The following SEC24D variants were observed in gnomAD, a reference collection of about 807,000 sequenced individuals.
The protein encoded by SEC24D is SEC24 homolog D, COPII component.
In SEC24D, 69 loss-of-function variants were observed where a neutral mutation model predicts 116.9. The observed-to-expected ratio is 0.59, with a 90% CI of 0.49 to 0.72. The LOEUF (loss-of-function observed/expected upper bound fraction) is 0.72, where lower values mean the gene tolerates loss of function less well. Ranked by LOEUF, SEC24D falls within the 30% of genes least tolerant of loss-of-function variation. The pLI, the probability that SEC24D is intolerant of heterozygous loss-of-function variation, is 0.00. For missense variants in SEC24D, 1,131 were observed against 1,264.1 expected (o/e 0.89, Z 1.60); for synonymous variants, 405 against 442.8 (o/e 0.91, Z 1.07).
chr4:118,796,496 C>T (rs1199472490), intron 8 of SEC24D, among the ~76,000 whole-genome samples: 1 of 152,222 alleles, frequency 6.6e-6, no homozygotes, highest in Non-Finnish European at 1.5e-5. Context: ...CTCCCATGAC[C>T]TACTCTAAGC....
In SEC24D at chr4:118,833,995, C is replaced by T. The variant is rs149462208; in HGVS notation, c.-41-258G>A. On this transcript the variant is annotated intron_variant, in intron 1 of 22. Coordinates refer to ENST00000280551, the MANE Select transcript of SEC24D (RefSeq NM_014822.4). Reference sequence around the variant, plus strand: ...ATGAGACCTGAATAATAACTCGCAACCACTTTTTTAATGGAAGCCTGAAGC... The same window carrying T: ...ATGAGACCTGAATAATAACTCGCAATCACTTTTTTAATGGAAGCCTGAAGC... 1.5e-3 allele frequency among the ~76,000 whole-genome samples: 226 copies of T among 152,248 alleles called. 1 individual carries two copies. The highest frequency in any genetic ancestry group is 2.7e-3 in the Non-Finnish European group (184 of 68,026).
In SEC24D at chr4:118,743,009, C is replaced by T. The variant is rs545843982; in HGVS notation, c.1995+979G>A. ...ATCGTGCCCACTCTGTGCCGGGGCGCATAAGTTTGTGAAATTCAGGGGTGA... is the reference window on the plus strand; with the variant it reads ...ATCGTGCCCACTCTGTGCCGGGGCGTATAAGTTTGTGAAATTCAGGGGTGA... On this transcript the variant is annotated intron_variant, in intron 15 of 22. Transcript: ENST00000280551. 3.5e-4 allele frequency among the ~76,000 whole-genome samples: 54 copies of T among 152,150 alleles called. No individual in the cohort carries two copies. The South Asian group carries it at 4.6e-3, about 13-fold the overall frequency.
intron 4 of SEC24D, among the ~76,000 whole-genome samples, chr4:118,816,133 T>C (rs1730138780): frequency 1.3e-5 from 2 of 148,992 alleles, no homozygotes; most frequent in Admixed American, 1.4e-4. Context: ...CTCGTGATAT[T>C]GCTCAGGCTG....
intron 8 of SEC24D, among the ~76,000 whole-genome samples, chr4:118,787,693 C>T (rs1578434833): frequency 6.6e-6 from 1 of 152,148 alleles, no homozygotes; most frequent in South Asian, 2.1e-4. Context: ...TGGCCGTGGT[C>T]CCTATTTGGG....
rs1360323431 is a variant in SEC24D at position 118,819,192 on chromosome 4, GA to G, written c.249-1781del. On this transcript the variant is annotated intron_variant, in intron 3 of 22. Transcript: ENST00000280551. ...TTGTAAATCCATTGTTTCCTAAGAC[GA>G]AAACATTTCTTCTTTTTAAGAAATA... Among the ~76,000 whole-genome samples, 6 of 152,164 alleles carry G rather than the reference GA, an allele frequency of 3.9e-5. No individual in the cohort carries two copies. The East Asian group carries it at 1.2e-3, about 29-fold the overall frequency.
At chr4:118,768,026 T>G (rs555626166) in intron 9 of SEC24D, 147 bp downstream of exon 9, 1 of 556,542 alleles carries the variant, frequency 1.8e-6, no homozygotes. Flanking sequence ...AAATAGAGCC[T>G]GTCATAGTTG....
At chr4:118,828,094 T>C (rs900346109) in intron 2 of SEC24D, among the ~76,000 whole-genome samples, 2 of 151,882 alleles carry the variant, frequency 1.3e-5, no homozygotes, top group Non-Finnish European at 2.9e-5. Flanking sequence ...GCCCCTGTTC[T>C]AGGTTCAGGA....
intron 8 of SEC24D, among the ~76,000 whole-genome samples, chr4:118,770,925 T>C (rs765705672): frequency 2.0e-5 from 3 of 152,210 alleles, no homozygotes; most frequent in Non-Finnish European, 4.4e-5. Flanking sequence ...AAGTAAGGTC[T>C]TCAGAAAACT....
chr4:118,775,768 T>C (rs1337309225), intron 8 of SEC24D, among the ~76,000 whole-genome samples: 3 of 152,228 alleles, frequency 2.0e-5, no homozygotes, highest in South Asian at 2.1e-4. Context: ...ACATGTGTTA[T>C]AAATTTTGAA....
chr4:118,814,295 G>A (rs180968239), intron 6 of SEC24D, among the ~76,000 whole-genome samples: 24 of 152,272 alleles, frequency 1.6e-4, no homozygotes, highest in African/African-American at 5.8e-4. Context: ...TGCACATTTT[G>A]GCCAGCTCTG....
At chr4:118,813,548 T>G (rs931006615) in intron 6 of SEC24D, among the ~76,000 whole-genome samples, 1 of 152,160 alleles carries the variant, frequency 6.6e-6, no homozygotes, top group Non-Finnish European at 1.5e-5. Context: ...CTTCTTCTTA[T>G]AAGGCCACCA....
intron 2 of SEC24D, among the ~76,000 whole-genome samples, chr4:118,830,300 C>T (rs551074870): frequency 1.6e-4 from 24 of 152,130 alleles, no homozygotes; most frequent in Non-Finnish European, 2.5e-4. Flanking sequence ...CCGAGGCTAA[C>T]GCCTATAATC....
At chr4:118,753,537 C>T (rs1726939104) in intron 11 of SEC24D, among the ~76,000 whole-genome samples, 1 of 151,754 alleles carries the variant, frequency 6.6e-6, no homozygotes, top group Non-Finnish European at 1.5e-5. Context: ...TAAAAAGCTC[C>T]AAAGCTCTAA....
At chr4:118,804,250 G>A (rs1009898524) in intron 7 of SEC24D, among the ~76,000 whole-genome samples, 5 of 152,134 alleles carry the variant, frequency 3.3e-5, no homozygotes, top group African/African-American at 9.7e-5. Flanking sequence ...ACATGTGTCC[G>A]ATAAATATTT....
intron 8 of SEC24D, among the ~76,000 whole-genome samples, chr4:118,780,329 T>C (rs28878302): frequency 0.01 from 1,539 of 152,278 alleles, 24 homozygotes; most frequent in African/African-American, 0.033. Context: ...TCAAAGAACA[T>C]TGTTATTTCT....
At chr4:118,781,024 C>A (rs538256820) in intron 8 of SEC24D, among the ~76,000 whole-genome samples, 1 of 148,844 alleles carries the variant, frequency 6.7e-6, no homozygotes, top group Admixed American at 6.8e-5. Context: ...GAATACAGCA[C>A]ACTGATGGGT....
intron 8 of SEC24D, among the ~76,000 whole-genome samples, chr4:118,771,699 G>A (rs1389781588): frequency 6.6e-6 from 1 of 152,148 alleles, no homozygotes; most frequent in Non-Finnish European, 1.5e-5. Flanking sequence ...ATTTTTCCAT[G>A]TAAAAGAAGC....
intron 7 of SEC24D, 87 bp downstream of exon 7, chr4:118,805,756 G>A (rs1457789316): frequency 2.9e-6 from 2 of 699,034 alleles, no homozygotes; most frequent in East Asian, 5.9e-5. Flanking sequence ...ATTATTAAGA[G>A]CATTATTGAA....
chr4:118,814,383 G>A (rs753911088), intron 6 of SEC24D, among the ~76,000 whole-genome samples: 2 of 152,186 alleles, frequency 1.3e-5, no homozygotes, highest in Non-Finnish European at 2.9e-5. Flanking sequence ...TGATAAGGAC[G>A]GATGAAGCAG....
Sources: gnomAD v4.1 joint callset for allele counts (sites outside exome capture counted in the v4.1 genomes callset) on GRCh38, gnomAD v4.1.1 for gene constraint, MANE v1.5 for transcripts, NCBI Gene and HGNC (gene_info 2026-07-23, HGNC 2026-07-21) for gene names.